MIB1: variants seen among roughly 807,000 people sequenced by gnomAD.
The protein encoded by MIB1 is E3 ubiquitin-protein ligase MIB1.
In MIB1, 278 loss-of-function variants were observed where a neutral mutation model predicts 124.5. The ratio of observed to expected loss-of-function variants is 2.23; its 90% CI spans 2.02 to 2.47. The LOEUF is 2.47. Among genes scored for constraint, MIB1 ranks in the 30% most tolerant of loss-of-function variants. The pLI, the probability that MIB1 is intolerant of heterozygous loss-of-function variation, is 0.00. For synonymous variants in MIB1, 446 were observed against 429.4 expected (o/e 1.04, Z -0.48); for missense variants, 957 against 1,254.4 (o/e 0.76, Z 3.58).
chr18:21,857,680 C>T (rs2042241214), intron 19 of MIB1, among the ~76,000 whole-genome samples: 1 of 152,136 alleles, frequency 6.6e-6, no homozygotes, highest in Non-Finnish European at 1.5e-5. Flanking sequence ...TTATTTGGGA[C>T]AGAGTAACTA....
At chr18:21,843,072 T>G in intron 13 of MIB1, 59 bp from the exon 14 acceptor site, 2 of 1,259,506 alleles carry the variant, frequency 1.6e-6, no homozygotes, top group Admixed American at 4.0e-5. Context: ...TAGTTATAGT[T>G]TTCATGTTCT....
At chr18:21,837,275 G>T (rs761844574) in intron 12 of MIB1, among the ~76,000 whole-genome samples, 1 of 152,220 alleles carries the variant, frequency 6.6e-6, no homozygotes, top group South Asian at 2.1e-4. Context: ...TTAGGAGGCC[G>T]AGGCGGGTGG....
intron 13 of MIB1, among the ~76,000 whole-genome samples, chr18:21,840,647 ATATATATATATATATATAT>A (rs1319860151): frequency 0.054 from 1,960 of 36,152 alleles, 41 homozygotes; most frequent in Middle Eastern, 0.11. Flanking sequence ...ATATATATAT[ATATATATATATATATATAT>A]TTTTTTTTTT....
At chr18:21,731,607 C>T (rs1317697477) in intron 1 of MIB1, among the ~76,000 whole-genome samples, 1 of 151,996 alleles carries the variant, frequency 6.6e-6, no homozygotes, top group Non-Finnish European at 1.5e-5. Context: ...TGGCGGGCAC[C>T]TGTAGTCCCA....
At chr18:21,765,681 A>T in intron 1 of MIB1, 91 bp from the exon 2 acceptor site, 1 of 1,235,262 alleles carries the variant, frequency 8.1e-7, no homozygotes. Context: ...TATCTTGTAA[A>T]ATGTTCTGTT....
intron 12 of MIB1, among the ~76,000 whole-genome samples, chr18:21,824,827 T>C (rs951134963): frequency 6.6e-6 from 1 of 151,890 alleles, no homozygotes; most frequent in African/African-American, 2.4e-5. Context: ...AATATTAAAT[T>C]ATCTATAGTT....
intron 17 of MIB1, among the ~76,000 whole-genome samples, chr18:21,851,557 T>A (rs908103039): frequency 6.6e-6 from 1 of 152,130 alleles, no homozygotes; most frequent in Admixed American, 6.6e-5. Context: ...AATGTCTTCA[T>A]TGAAGAAAAA....
chr18:21,710,827 A>ATTTTTTT (rs34702356), intron 1 of MIB1, among the ~76,000 whole-genome samples: 4 of 117,026 alleles, frequency 3.4e-5, no homozygotes, highest in East Asian at 2.5e-4. Context: ...TAATTGACTG[A>ATTTTTTT]TTTTTTTTTT....
rs1408959836 is a variant in MIB1 at position 21,779,626 on chromosome 18, AACTGTTT to A, written c.850_856del (p.Thr284ValfsTer10). ...TGTTTGAGACTTTAACTACAACTGG[AACTGTTT>A]GTGGCATTGATGAAGATCATGACAT... is the stretch of plus-strand genomic sequence containing the variant. On this transcript the variant is annotated frameshift_variant, in exon 6 of 21. Coordinates refer to ENST00000261537, the MANE Select transcript of MIB1 (RefSeq NM_020774.4). LOFTEE classifies it high-confidence loss of function. The A allele has an allele frequency of 6.2e-7, 1 of 1,614,110 alleles. No homozygotes were observed. The highest frequency in any genetic ancestry group is 8.5e-7 in the Non-Finnish European group (1 of 1,179,990).
chr18:21,727,827 A>T (rs1180905385), intron 1 of MIB1, among the ~76,000 whole-genome samples: 1 of 152,180 alleles, frequency 6.6e-6, no homozygotes, highest in Non-Finnish European at 1.5e-5. Context: ...GGCCTTGAAG[A>T]AGCAAGCTGC....
intron 4 of MIB1, among the ~76,000 whole-genome samples, chr18:21,774,052 A>G (rs1785379938): frequency 6.6e-6 from 1 of 152,178 alleles, no homozygotes; most frequent in Admixed American, 6.5e-5. Context: ...TATTATAATG[A>G]GGTTTTGTGA....
At chr18:21,818,895 A>G (rs939695726) in intron 11 of MIB1, among the ~76,000 whole-genome samples, 3 of 152,150 alleles carry the variant, frequency 2.0e-5, no homozygotes, top group African/African-American at 4.8e-5. Context: ...AGATCGCGCT[A>G]TTGTACTCCA....
At chr18:21,782,572 C>G (rs1033090256) in intron 6 of MIB1, among the ~76,000 whole-genome samples, 1 of 151,882 alleles carries the variant, frequency 6.6e-6, no homozygotes, top group African/African-American at 2.4e-5. Flanking sequence ...TTGACGCTTT[C>G]ATTGTTCAGG....
At chr18:21,778,476 A>G (rs1408809210) in intron 5 of MIB1, among the ~76,000 whole-genome samples, 1 of 152,216 alleles carries the variant, frequency 6.6e-6, no homozygotes, top group African/African-American at 2.4e-5. Context: ...TATGTTATAC[A>G]CTATTGAGAA....
chr18:21,833,817 T>G (rs1248207388), intron 12 of MIB1, among the ~76,000 whole-genome samples: 1 of 152,210 alleles, frequency 6.6e-6, no homozygotes, highest in Non-Finnish European at 1.5e-5. Context: ...TATTAGTTGT[T>G]CTGGAACTTA....
chr18:21,853,163 TGACAA>T lies in MIB1; in HGVS notation c.2613_2617del (p.Asp871GlufsTer16). On this transcript the variant is annotated frameshift_variant, in exon 18 of 21. Coordinates refer to ENST00000261537, the MANE Select transcript of MIB1 (RefSeq NM_020774.4). LOFTEE classifies it high-confidence loss of function. ...AGATTGAAGAATGTGTGGTATGCTC[TGACAA>T]GAAAGCAGCTGTTCTTTTTCAACCC... is the stretch of plus-strand genomic sequence containing the variant. 1 of 1,613,622 alleles carries T rather than the reference TGACAA, an allele frequency of 6.2e-7. No individual in the cohort carries two copies. Among genetic ancestry groups the T allele is most frequent in the Non-Finnish European group, 8.5e-7 (1 of 1,179,654 alleles).
Position 21,838,434 on chromosome 18 carries a change from T to C in MIB1, c.1899T>C (p.Tyr633=), listed in dbSNP as rs755575999. Residue 633 remains tyrosine, a synonymous_variant, in exon 13 of 21, where the codon TAT becomes TAC. Coordinates refer to ENST00000261537, the MANE Select transcript of MIB1 (RefSeq NM_020774.4). ...TGGATGAGAAGAAAGATGATGGTTATACTGCCTTACATCTGGCTGCCCTTA... is the reference window on the plus strand; with the variant it reads ...TGGATGAGAAGAAAGATGATGGTTACACTGCCTTACATCTGGCTGCCCTTA... The part of the protein sequence containing the change: ...WIVDEKKDDG[Y]TALHLAALNN... The C allele has an allele frequency of 6.8e-6, 11 of 1,611,374 alleles. No individual in the cohort carries two copies. The highest frequency in any genetic ancestry group is 9.3e-6 in the Non-Finnish European group (11 of 1,178,090).
chr18:21,782,087 T>C lies in MIB1; in HGVS notation c.908+2402T>C, dbSNP rs3017051. Among the ~76,000 whole-genome samples the C allele has an allele frequency of 2.4e-3, 366 of 152,282 alleles. 2 individuals carry two copies. The highest frequency in any genetic ancestry group is 8.4e-3 in the African/African-American group (349 of 41,562). On this transcript the variant is annotated intron_variant, in intron 6 of 20. Coordinates refer to ENST00000261537, the MANE Select transcript of MIB1 (RefSeq NM_020774.4). ...GCTTTTCTAGTTCCTTGAGCTGTAT[T>C]GTTAGGTTATTTGAAATCTTCCTAC...
chr18:21,709,098 C>T (rs990039432), intron 1 of MIB1, among the ~76,000 whole-genome samples: 13 of 152,144 alleles, frequency 8.5e-5, no homozygotes, highest in Admixed American at 2.6e-4. Context: ...GGGCGGATCA[C>T]GAGGTCAGGA....
Sources: gnomAD v4.1 joint callset for allele counts (sites outside exome capture counted in the v4.1 genomes callset) on GRCh38, gnomAD v4.1.1 for gene constraint, MANE v1.5 for transcripts, NCBI Gene and HGNC (gene_info 2026-07-23, HGNC 2026-07-21) for gene names.